The following TMEM266 variants were observed in gnomAD, a reference collection of about 807,000 sequenced individuals.
TMEM266 encodes transmembrane protein 266, also known as Hv1 related protein 1.
TMEM266 carries 33 observed loss-of-function variants against 50.5 expected under a neutral mutation model. That is an observed-to-expected ratio of 0.65 (90% confidence interval 0.50 to 0.87). TMEM266 has a LOEUF of 0.87. Among genes scored for constraint, TMEM266 ranks in the 40% least tolerant of loss-of-function variants. The pLI is 0.00. For missense variants in TMEM266, 655 were observed against 695.1 expected, an observed-to-expected ratio of 0.94 and a Z score of 0.65; for synonymous variants, 310 against 292.3, an observed-to-expected ratio of 1.06 and a Z score of -0.62.
chr15:76,075,490 G>A (rs1037446031), intron 1 of TMEM266, among the ~76,000 whole-genome samples: 2 of 152,114 alleles, frequency 1.3e-5, no homozygotes, highest in Non-Finnish European at 2.9e-5. Flanking sequence ...GAAGGTCATG[G>A]CTTATGTTTG....
intron 3 of TMEM266, among the ~76,000 whole-genome samples, chr15:76,151,994 G>A (rs1248358592): frequency 6.6e-6 from 1 of 152,136 alleles, no homozygotes; most frequent in Non-Finnish European, 1.5e-5. Flanking sequence ...TGCAGCCTGG[G>A]CATTGGAGTT....
chr15:76,123,277 A>G (rs2142020790), intron 1 of TMEM266, among the ~76,000 whole-genome samples: 1 of 152,332 alleles, frequency 6.6e-6, no homozygotes, highest in African/African-American at 2.4e-5. Flanking sequence ...AGGTAACAAC[A>G]AGGAGGACCA....
intron 5 of TMEM266, among the ~76,000 whole-genome samples, chr15:76,166,529 C>T (rs2038099319): frequency 6.6e-6 from 1 of 152,222 alleles, no homozygotes; most frequent in Non-Finnish European, 1.5e-5. Context: ...TTCCCTGGCA[C>T]TGCTCTGGTT....
intron 8 of TMEM266, among the ~76,000 whole-genome samples, chr15:76,184,602 TA>T (rs1596162002): frequency 6.6e-6 from 1 of 152,392 alleles, no homozygotes; most frequent in East Asian, 1.9e-4. Flanking sequence ...GAATTACTGC[TA>T]TTGCATTAGA....
chr15:76,192,777 A>G (rs2038600669), intron 9 of TMEM266, among the ~76,000 whole-genome samples: 2 of 152,186 alleles, frequency 1.3e-5, no homozygotes, highest in Admixed American at 1.3e-4. Context: ...TCAGCCAGTT[A>G]TGTGATGGGA....
chr15:76,158,243 A>G (rs1165653119), intron 4 of TMEM266, among the ~76,000 whole-genome samples: 2 of 152,148 alleles, frequency 1.3e-5, no homozygotes, highest in Admixed American at 1.3e-4. Flanking sequence ...GTGGACGGTG[A>G]GCACAGAATT....
Position 76,078,653 on chromosome 15 carries a change from G to T in TMEM266, c.-97+18637G>T, listed in dbSNP as rs145036141. ...AAAATCTGGGAAATGTGTTTATTCA[G>T]CAGTTTTTTTTCTGGGCACTTACAT... On this transcript the variant is annotated intron_variant, in intron 1 of 10. Coordinates refer to ENST00000388942, the MANE Select transcript of TMEM266 (RefSeq NM_152335.3). 2.2e-3 allele frequency among the ~76,000 whole-genome samples: 330 copies of T among 152,298 alleles called. 3 individuals are homozygous for T. Among genetic ancestry groups the T allele is most frequent in the African/African-American group, 7.5e-3 (313 of 41,572 alleles).
chr15:76,188,625 C>T (rs1229028577), intron 8 of TMEM266, among the ~76,000 whole-genome samples: 1 of 152,088 alleles, frequency 6.6e-6, no homozygotes, highest in Non-Finnish European at 1.5e-5. Context: ...CAAACAAAAA[C>T]TAAACCATCA....
intron 5 of TMEM266, among the ~76,000 whole-genome samples, chr15:76,169,478 G>A (rs570144097): frequency 1.3e-5 from 2 of 152,114 alleles, no homozygotes; most frequent in African/African-American, 4.8e-5. Context: ...GGAGAGGCAG[G>A]CAAGGTCCTA....
chr15:76,083,615 C>A (rs2036729197), intron 1 of TMEM266, among the ~76,000 whole-genome samples: 1 of 152,180 alleles, frequency 6.6e-6, no homozygotes, highest in Admixed American at 6.5e-5. Context: ...ACCATCTAGA[C>A]CAGATTCTCC....
At chr15:76,116,929 C>T (rs12439206) in intron 1 of TMEM266, among the ~76,000 whole-genome samples, 23,165 of 128,680 alleles carry the variant, frequency 0.18, 2,446 homozygotes, top group East Asian at 0.43. Flanking sequence ...GACGGAGTTT[C>T]GCTCTTGTTG....
intron 9 of TMEM266, 70 bp downstream of exon 9, chr15:76,192,227 C>T (rs972717770): frequency 7.4e-7 from 1 of 1,348,284 alleles, no homozygotes; most frequent in Non-Finnish European, 9.6e-7. Context: ...CTCTCGCGCC[C>T]CGGGACTGTG....
rs114695018 is a variant in TMEM266, at chr15:76,077,771, T to C, written c.-97+17755T>C. 2.4e-3 allele frequency among the ~76,000 whole-genome samples: 364 copies of C among 152,172 alleles called. 7 individuals carry two copies. Among genetic ancestry groups the C allele is most frequent in the African/African-American group, 8.6e-3 (355 of 41,466 alleles). Reference sequence around the variant, plus strand: ...CTCCCCTACAAGCCTTAGAGGGAGCTAGGCCCTCACGACACCTTGATTTTG... The same window carrying C: ...CTCCCCTACAAGCCTTAGAGGGAGCCAGGCCCTCACGACACCTTGATTTTG... On this transcript the variant is annotated intron_variant, in intron 1 of 10. Transcript: ENST00000388942.
intron 3 of TMEM266, among the ~76,000 whole-genome samples, chr15:76,142,672 T>C (rs2037698257): frequency 1.3e-5 from 2 of 152,194 alleles, no homozygotes; most frequent in South Asian, 2.1e-4. Context: ...AGGAAAGTCC[T>C]GCGGGGTGAG....
At chr15:76,156,323 G>A (rs1292495995) in intron 3 of TMEM266, among the ~76,000 whole-genome samples, 1 of 152,000 alleles carries the variant, frequency 6.6e-6, no homozygotes, top group African/African-American at 2.4e-5. Flanking sequence ...TTGCACCACT[G>A]CACTCCAGCC....
chr15:76,202,461 C>A (rs543228135), intron 10 of TMEM266, among the ~76,000 whole-genome samples, 197 bp downstream of exon 10: 1 of 152,304 alleles, frequency 6.6e-6, no homozygotes, highest in Non-Finnish European at 1.5e-5. Flanking sequence ...TCCCCAGGGG[C>A]TGAGCCTGCA....
chr15:76,128,952 C>T (rs2037463684), intron 1 of TMEM266, among the ~76,000 whole-genome samples: 1 of 152,184 alleles, frequency 6.6e-6, no homozygotes, highest in African/African-American at 2.4e-5. Flanking sequence ...CCTCACTGAT[C>T]ATTTTGGAAG....
At chr15:76,060,115 C>T in intron 1 of TMEM266, 99 bp downstream of exon 1, 1 of 152,108 alleles carries the variant, frequency 6.6e-6, no homozygotes, top group Non-Finnish European at 1.5e-5. Context: ...TCAAGGTTTG[C>T]AGGATGCGTG....
intron 1 of TMEM266, among the ~76,000 whole-genome samples, chr15:76,120,277 G>A (rs547609934): frequency 8.6e-5 from 13 of 151,542 alleles, no homozygotes; most frequent in Admixed American, 7.2e-4. Context: ...TGGATCATTC[G>A]CACCATGGAA....
Sources: allele counts gnomAD v4.1 joint callset (sites outside exome capture counted in the v4.1 genomes callset), GRCh38; gene constraint gnomAD v4.1.1; transcripts MANE v1.5; gene names NCBI Gene and HGNC (gene_info 2026-07-23, HGNC 2026-07-21).